The following CDH4 variants were observed in gnomAD, a reference collection of about 807,000 sequenced individuals.
CDH4 encodes cadherin 4.
A neutral mutation model predicts 86.0 loss-of-function variants in CDH4; 33 were observed. That is an observed-to-expected ratio of 0.38 (90% CI 0.29 to 0.51). The LOEUF (loss-of-function observed/expected upper bound fraction) is 0.51, where lower values mean the gene tolerates loss of function less well. CDH4 is among the 20% of genes least tolerant of loss of function. The pLI, the probability that CDH4 is intolerant of heterozygous loss-of-function variation, is 0.86. For missense variants in CDH4, 1,114 were observed against 1,307.4 expected (o/e 0.85, Z 2.28); for synonymous variants, 555 against 549.4 (o/e 1.01, Z -0.14).
At chr20:61,299,387 CAG>C (rs746018217) in intron 2 of CDH4, among the ~76,000 whole-genome samples, 1 of 152,192 alleles carries the variant, frequency 6.6e-6, no homozygotes, top group South Asian at 2.1e-4. Flanking sequence ...CCAGAACAGA[CAG>C]AATCCATTTC....
intron 2 of CDH4, among the ~76,000 whole-genome samples, chr20:61,438,886 T>A (rs2085299507): frequency 6.6e-6 from 1 of 151,308 alleles, no homozygotes. Flanking sequence ...TCATTTTCAA[T>A]GCCCCCAGAC....
chr20:61,800,686 G>A (rs1271676566), intron 4 of CDH4, among the ~76,000 whole-genome samples: 1 of 152,226 alleles, frequency 6.6e-6, no homozygotes, highest in Non-Finnish European at 1.5e-5. Context: ...CACAGGAAGT[G>A]CTGGCAGTGC....
chr20:61,308,487 T>C (rs1042219211), intron 2 of CDH4, among the ~76,000 whole-genome samples: 2 of 152,214 alleles, frequency 1.3e-5, no homozygotes, highest in African/African-American at 4.8e-5. Flanking sequence ...ACAATTAATC[T>C]CTGTCCACCT....
chr20:61,885,436 G>A (rs1425892439), intron 7 of CDH4, among the ~76,000 whole-genome samples: 2 of 152,326 alleles, frequency 1.3e-5, no homozygotes, highest in East Asian at 3.9e-4. Context: ...CTCTCACCGA[G>A]CGTCACCGTG....
Position 61,270,220 on chromosome 20 carries a change from G to A in CDH4, c.169+15283G>A, listed in dbSNP as rs191607545. Among the ~76,000 whole-genome samples, 169 of 152,364 alleles carry A rather than the reference G, an allele frequency of 1.1e-3. 1 individual carries two copies. Among genetic ancestry groups the A allele is most frequent in the Middle Eastern group, 6.8e-3 (2 of 294 alleles). ...GGCTATCGTTATTTATTAATCAGGTGTTGGTATGATTGGATTACGCCGTAT... is the reference window on the plus strand; with the variant it reads ...GGCTATCGTTATTTATTAATCAGGTATTGGTATGATTGGATTACGCCGTAT... On this transcript the variant is annotated intron_variant, in intron 2 of 15. Coordinates refer to ENST00000614565, the MANE Select transcript of CDH4 (RefSeq NM_001794.5).
At chr20:61,287,369 G>A (rs1331390461) in intron 2 of CDH4, among the ~76,000 whole-genome samples, 1 of 152,092 alleles carries the variant, frequency 6.6e-6, no homozygotes, top group East Asian at 1.9e-4. Flanking sequence ...CAGCTTCTCA[G>A]GAGGCTGAGG....
intron 2 of CDH4, among the ~76,000 whole-genome samples, chr20:61,528,697 C>T (rs763284320): frequency 2.6e-5 from 4 of 152,180 alleles, no homozygotes; most frequent in South Asian, 2.1e-4. Flanking sequence ...ACCAAAGCTG[C>T]GGGAATGGAG....
chr20:61,526,174 C>CT (rs2085908647), intron 2 of CDH4, among the ~76,000 whole-genome samples: 1 of 152,038 alleles, frequency 6.6e-6, no homozygotes, highest in Non-Finnish European at 1.5e-5. Flanking sequence ...GTGCCCCTCC[C>CT]CCTCCCCGGG....
At chr20:61,669,027 G>A (rs1021983560) in intron 2 of CDH4, among the ~76,000 whole-genome samples, 5 of 152,224 alleles carry the variant, frequency 3.3e-5, no homozygotes, top group Admixed American at 6.5e-5. Flanking sequence ...TCAGGGCTGC[G>A]GCAGGCCGGC....
At chr20:61,916,247 T>A (rs2427241) in intron 9 of CDH4, among the ~76,000 whole-genome samples, 129,276 of 151,546 alleles carry the variant, frequency 0.85, 56,100 homozygotes, top group Non-Finnish European at 0.95. Context: ...AGGGACCCCA[T>A]GGCCCAGCCC....
At chr20:61,442,623 A>G (rs8125508) in intron 2 of CDH4, among the ~76,000 whole-genome samples, 1,784 of 152,324 alleles carry the variant, frequency 0.012, 39 homozygotes, top group African/African-American at 0.041. Context: ...CAGAGACTCA[A>G]AGGCAAAACG....
At chr20:61,930,431 CCA>C (rs1286203584) in intron 13 of CDH4, among the ~76,000 whole-genome samples, 1 of 152,148 alleles carries the variant, frequency 6.6e-6, no homozygotes, top group Non-Finnish European at 1.5e-5. Context: ...GAAAATGACC[CCA>C]GAGGTCCCTC....
intron 2 of CDH4, among the ~76,000 whole-genome samples, chr20:61,473,233 T>A (rs1030035834): frequency 6.6e-6 from 1 of 152,248 alleles, no homozygotes; most frequent in African/African-American, 2.4e-5. Flanking sequence ...AATTCTGAAG[T>A]GAGAAATTAT....
intron 2 of CDH4, among the ~76,000 whole-genome samples, chr20:61,539,298 CAGTT>C (rs1368109354): frequency 6.6e-6 from 1 of 152,182 alleles, no homozygotes; most frequent in East Asian, 1.9e-4. Flanking sequence ...GTGTATTAGT[CAGTT>C]GGGACCAACC....
At chr20:61,791,869 T>C (rs1203664967) in intron 4 of CDH4, among the ~76,000 whole-genome samples, 10 of 141,666 alleles carry the variant, frequency 7.1e-5, no homozygotes, top group Non-Finnish European at 1.4e-4. Context: ...GAAAGGTCTG[T>C]GCGGTGAAAA....
intron 4 of CDH4, among the ~76,000 whole-genome samples, chr20:61,812,223 G>A (rs1021689698): frequency 4.6e-5 from 7 of 152,108 alleles, no homozygotes; most frequent in South Asian, 2.1e-4. Flanking sequence ...GGTAGGGGTC[G>A]GGGAGCAGCT....
chr20:61,901,220 A>AGGG (rs1985386811), intron 8 of CDH4, among the ~76,000 whole-genome samples: 1 of 29,630 alleles, frequency 3.4e-5, no homozygotes, highest in Admixed American at 4.3e-4. Flanking sequence ...GAGCAGGAGG[A>AGGG]GTAGGGGCAG....
chr20:61,719,419 C>G (rs985954548), intron 2 of CDH4: 2 of 250,390 alleles, frequency 8.0e-6, no homozygotes, highest in South Asian at 5.8e-5. Flanking sequence ...AAAACATTAG[C>G]AATATTGCAA....
chr20:61,565,100 G>T (rs1239225157), intron 2 of CDH4, among the ~76,000 whole-genome samples: 1 of 116,868 alleles, frequency 8.6e-6, no homozygotes, highest in Non-Finnish European at 1.9e-5. Flanking sequence ...TCTTGGTGGT[G>T]CTCTTGGTGG....
Sources: allele counts gnomAD v4.1 joint callset (sites outside exome capture counted in the v4.1 genomes callset), GRCh38; gene constraint gnomAD v4.1.1; transcripts MANE v1.5; gene names NCBI Gene and HGNC (gene_info 2026-07-23, HGNC 2026-07-21).